Variants in STARD13 observed in about 807,000 individuals in gnomAD.
The protein encoded by STARD13 is stAR-related lipid transfer protein 13.
Under a neutral mutation model 106.4 loss-of-function variants are expected in STARD13, and 62 were observed. That is an observed-to-expected ratio of 0.58 (90% CI 0.48 to 0.72). The LOEUF (loss-of-function observed/expected upper bound fraction) is 0.72, where lower values mean the gene tolerates loss of function less well. Ranked by LOEUF, STARD13 falls within the 30% of genes least tolerant of loss-of-function variation. STARD13 has a pLI of 0.00. For synonymous variants in STARD13, 565 were observed against 553.0 expected, an observed-to-expected ratio of 1.02 and a Z score of -0.31; for missense variants, 1,387 against 1,424.0, an observed-to-expected ratio of 0.97 and a Z score of 0.42.
the STARD13 span, among the ~76,000 whole-genome samples, chr13:33,553,655 C>A: frequency 6.6e-6 from 1 of 150,664 alleles, no homozygotes; most frequent in Non-Finnish European, 1.5e-5. Flanking sequence ...TCTTGGCTCA[C>A]TGCAACCTTC....
the STARD13 span, among the ~76,000 whole-genome samples, chr13:33,489,579 A>G: frequency 1.3e-5 from 2 of 152,262 alleles, no homozygotes; most frequent in Non-Finnish European, 2.9e-5. Context: ...ACATCTGAAA[A>G]CAATGTACCT....
At chr13:33,194,470 T>C (rs185814514) in intron 1 of STARD13, among the ~76,000 whole-genome samples, 1 of 152,334 alleles carries the variant, frequency 6.6e-6, no homozygotes, top group East Asian at 1.9e-4. Context: ...ATGTACATTC[T>C]TTCATGGTAA....
At chr13:33,421,677 A>G in the STARD13 span, among the ~76,000 whole-genome samples, 1 of 152,216 alleles carries the variant, frequency 6.6e-6, no homozygotes, top group Non-Finnish European at 1.5e-5. Flanking sequence ...CCTGATGAAC[A>G]TCGATGCGAA....
At chr13:33,612,570 C>T in the STARD13 span, among the ~76,000 whole-genome samples, 2 of 152,170 alleles carry the variant, frequency 1.3e-5, no homozygotes, top group Non-Finnish European at 2.9e-5. Context: ...AAGACTTCTC[C>T]ATGAAGCATC....
At chr13:33,149,705 T>C (rs527326682) in intron 3 of STARD13, among the ~76,000 whole-genome samples, 8 of 152,328 alleles carry the variant, frequency 5.3e-5, no homozygotes, top group African/African-American at 1.9e-4. Flanking sequence ...AAATAAACAA[T>C]GGCTAGATTC....
the STARD13 span, among the ~76,000 whole-genome samples, chr13:33,400,073 C>G: frequency 6.6e-6 from 1 of 152,032 alleles, no homozygotes; most frequent in Non-Finnish European, 1.5e-5. Context: ...TATTAGATTT[C>G]CAGAACATGT....
chr13:33,496,993 G>C, the STARD13 span, among the ~76,000 whole-genome samples: 4 of 152,056 alleles, frequency 2.6e-5, no homozygotes, highest in African/African-American at 9.7e-5. Flanking sequence ...AATTTTGTAA[G>C]AGAACTCTGT....
the STARD13 span, among the ~76,000 whole-genome samples, chr13:33,652,173 T>C: frequency 6.6e-6 from 1 of 152,226 alleles, no homozygotes; most frequent in Non-Finnish European, 1.5e-5. Context: ...TAAATCTTTC[T>C]TGAACTGAAC....
the STARD13 span, among the ~76,000 whole-genome samples, chr13:33,489,990 G>A: frequency 6.6e-6 from 1 of 152,128 alleles, no homozygotes; most frequent in Non-Finnish European, 1.5e-5. Flanking sequence ...AAAACTGTAT[G>A]TTAAGCAAGC....
chr13:33,457,574 T>C, the STARD13 span, among the ~76,000 whole-genome samples: 7 of 152,334 alleles, frequency 4.6e-5, no homozygotes, highest in South Asian at 1.2e-3. Flanking sequence ...CGGGCTGCTA[T>C]ACTAAACTAC....
the STARD13 span, among the ~76,000 whole-genome samples, chr13:33,420,285 A>G: frequency 6.6e-6 from 1 of 152,222 alleles, no homozygotes; most frequent in African/African-American, 2.4e-5. Flanking sequence ...GGAAAGCAAA[A>G]AAAAGCAGGT....
chr13:33,401,804 AACAAGGCCCACAGGTG>A, the STARD13 span, among the ~76,000 whole-genome samples: 3 of 152,256 alleles, frequency 2.0e-5, no homozygotes, highest in South Asian at 6.2e-4. Flanking sequence ...TTTCATGGCC[AACAAGGCCCACAGGTG>A]ACTCTCATGC....
chr13:33,357,723 G>A, the STARD13 span, among the ~76,000 whole-genome samples: 1 of 152,306 alleles, frequency 6.6e-6, no homozygotes, highest in South Asian at 2.1e-4. Flanking sequence ...TTGAGGTTAG[G>A]AGTTCAAGAC....
intron 1 of STARD13, among the ~76,000 whole-genome samples, chr13:33,323,914 T>C (rs1039435374): frequency 6.6e-6 from 1 of 152,180 alleles, no homozygotes; most frequent in African/African-American, 2.4e-5. Flanking sequence ...ACCGTCAGGA[T>C]CTTGCGCTCC....
At chr13:33,434,242 A>G in the STARD13 span, among the ~76,000 whole-genome samples, 1 of 151,418 alleles carries the variant, frequency 6.6e-6, no homozygotes, top group Non-Finnish European at 1.5e-5. Context: ...AATCCCAGCC[A>G]CTCAGGAGGC....
At chr13:33,404,186 A>G in the STARD13 span, among the ~76,000 whole-genome samples, 2 of 152,240 alleles carry the variant, frequency 1.3e-5, no homozygotes, top group Non-Finnish European at 2.9e-5. Context: ...ATACAGATGA[A>G]GGAACTATAT....
intron 4 of STARD13, among the ~76,000 whole-genome samples, chr13:33,134,128 A>C (rs1304936398): frequency 6.6e-6 from 1 of 152,214 alleles, no homozygotes; most frequent in Non-Finnish European, 1.5e-5. Context: ...ACACAACTGA[A>C]AATAGGTTCC....
At chr13:33,231,867 G>A (rs1206116244) in intron 1 of STARD13, among the ~76,000 whole-genome samples, 1 of 152,174 alleles carries the variant, frequency 6.6e-6, no homozygotes, top group Non-Finnish European at 1.5e-5. Flanking sequence ...ATCCACAGGG[G>A]ATTGGTTCCA....
the STARD13 span, among the ~76,000 whole-genome samples, chr13:33,537,213 A>G: frequency 6.2e-4 from 94 of 152,372 alleles, no homozygotes; most frequent in African/African-American, 2.0e-3. Flanking sequence ...TTTGCGTCCT[A>G]GTGCAGCATT....
Sources: gnomAD v4.1 joint callset for allele counts (sites outside exome capture counted in the v4.1 genomes callset) on GRCh38, gnomAD v4.1.1 for gene constraint, MANE v1.5 for transcripts, NCBI Gene and HGNC (gene_info 2026-07-23, HGNC 2026-07-21) for gene names.